The following CRY1 variants were observed in gnomAD, a reference collection of about 807,000 sequenced individuals.
CRY1 encodes the protein cryptochrome circadian regulator 1.
Under a neutral mutation model 76.0 loss-of-function variants are expected in CRY1, and 45 were observed. The ratio of observed to expected loss-of-function variants is 0.59; its 90% confidence interval spans 0.47 to 0.76. The LOEUF (loss-of-function observed/expected upper bound fraction) is 0.76, where lower values mean the gene tolerates loss of function less well. Among genes scored for constraint, CRY1 ranks in the 30% least tolerant of loss-of-function variants. The pLI is 0.00. For missense variants in CRY1, 587 were observed against 716.4 expected, an observed-to-expected ratio of 0.82 and a Z score of 2.06; for synonymous variants, 248 against 244.0, an observed-to-expected ratio of 1.02 and a Z score of -0.15.
intron 1 of CRY1, among the ~76,000 whole-genome samples, chr12:107,078,235 T>C (rs531197924): frequency 1.3e-5 from 2 of 152,162 alleles, no homozygotes; most frequent in Admixed American, 6.6e-5. Flanking sequence ...AATACAAAGA[T>C]GCATATCCCT....
chr12:106,994,035 CCA>C (rs1423150954), intron 10 of CRY1, among the ~76,000 whole-genome samples: 3 of 151,360 alleles, frequency 2.0e-5, no homozygotes, highest in South Asian at 4.2e-4. Flanking sequence ...TAAGAATGTT[CCA>C]CAGTCATTAA....
At chr12:107,081,680 T>TGA (rs1953327229) in intron 1 of CRY1, among the ~76,000 whole-genome samples, 1 of 152,118 alleles carries the variant, frequency 6.6e-6, no homozygotes, top group Non-Finnish European at 1.5e-5. Flanking sequence ...ATCTGTTAAG[T>TGA]GAGAGAGAGA....
At chr12:107,028,231 AAAAAT>A (rs1477241192) in intron 1 of CRY1, among the ~76,000 whole-genome samples, 1 of 152,154 alleles carries the variant, frequency 6.6e-6, no homozygotes, top group Non-Finnish European at 1.5e-5. Flanking sequence ...TAGAGATTTA[AAAAAT>A]ATAACAATTT....
chr12:107,034,508 C>T lies in CRY1; in HGVS notation c.159-12316G>A, dbSNP rs116139570. Among the ~76,000 whole-genome samples, 1,044 of 152,234 alleles carry T rather than the reference C, an allele frequency of 6.9e-3. 18 individuals carry two copies. Among genetic ancestry groups the T allele is most frequent in the African/African-American group, 0.024 (1,001 of 41,542 alleles). On this transcript the variant is annotated intron_variant, in intron 1 of 12. Coordinates refer to ENST00000008527, the MANE Select transcript of CRY1 (RefSeq NM_004075.5). ...TTCATTTTACTCTGTGGACTTGCTC[C>T]AAATTCTTTCTTAAGTGAGTTCCAA...
chr12:107,007,535 T>C (rs1394063956), intron 2 of CRY1, among the ~76,000 whole-genome samples: 1 of 151,938 alleles, frequency 6.6e-6, no homozygotes, highest in Non-Finnish European at 1.5e-5. Context: ...TTCTTCTTTT[T>C]TTTTTTTTTT....
intron 1 of CRY1, among the ~76,000 whole-genome samples, chr12:107,085,507 T>C (rs566517367): frequency 1.5e-3 from 233 of 152,284 alleles, no homozygotes; most frequent in African/African-American, 5.1e-3. Flanking sequence ...GTTCATGTCC[T>C]TTGCAGGGAC....
At position 106,997,502 on chromosome 12, in the gene CRY1, C is replaced by T. The variant is rs771583879; in HGVS notation, c.1478G>A (p.Arg493Gln). 34 of 1,613,900 alleles carry T rather than the reference C, an allele frequency of 2.1e-5. No homozygotes were observed. Among genetic ancestry groups the T allele is most frequent in the East Asian group, 4.5e-5 (2 of 44,860 alleles). ...RMKQIYQQLS[R>Q]YRGLGLLASV... Reference sequence around the variant, plus strand: ...TCTTAACATACCTAGTCCTCTATATCGTGAAAGCTGCTGATAGATCTGTTT... The same window carrying T: ...TCTTAACATACCTAGTCCTCTATATTGTGAAAGCTGCTGATAGATCTGTTT... The change falls in exon 9 of 13, where the codon CGA (arginine) becomes CAA (glutamine). Residue 493 changes from arginine (R) to glutamine (Q), a missense_variant. Transcript: ENST00000008527.
chr12:107,090,159 G>A (rs968339837), intron 1 of CRY1, among the ~76,000 whole-genome samples: 3 of 150,762 alleles, frequency 2.0e-5, no homozygotes, highest in Admixed American at 6.6e-5. Flanking sequence ...GCACGATCTC[G>A]CCTCACTGCA....
At chr12:107,022,223 T>A in intron 1 of CRY1, 31 bp from the exon 2 acceptor site, 1 of 1,276,886 alleles carries the variant, frequency 7.8e-7, no homozygotes, top group Non-Finnish European at 1.1e-6. Flanking sequence ...TTTAAATTAT[T>A]AAAAAATACA....
chr12:107,018,459 T>A (rs1268888299), intron 2 of CRY1, among the ~76,000 whole-genome samples: 1 of 152,150 alleles, frequency 6.6e-6, no homozygotes, highest in Non-Finnish European at 1.5e-5. Context: ...TGGTGGTGCA[T>A]GCCTATAATC....
intron 2 of CRY1, among the ~76,000 whole-genome samples, chr12:107,009,218 A>T (rs1952409314): frequency 6.6e-6 from 1 of 152,102 alleles, no homozygotes; most frequent in African/African-American, 2.4e-5. Flanking sequence ...TTCATGAGAT[A>T]AACCCCACTT....
rs150822026 is a variant in CRY1 at position 107,026,158 on chromosome 12, A to AAT, written c.159-3968_159-3967dup. Among the ~76,000 whole-genome samples, 38 of 80,152 alleles carry AAT rather than the reference A, an allele frequency of 4.7e-4. 3 individuals are homozygous for AAT. Among genetic ancestry groups the AAT allele is most frequent in the Middle Eastern group, 5.7e-3 (1 of 176 alleles). The allele number at this position is 80,152 out of a possible 152,430, so 52.6% of individuals were successfully genotyped here. On this transcript the variant is annotated intron_variant, in intron 1 of 12. Transcript: ENST00000008527. ...ACATATATATTACATATATATATAA[A>AAT]ATATATATATATATATTACATATAT... is the stretch of plus-strand genomic sequence containing the variant.
chr12:107,024,210 A>G (rs1952584935), intron 1 of CRY1, among the ~76,000 whole-genome samples: 1 of 152,222 alleles, frequency 6.6e-6, no homozygotes, highest in African/African-American at 2.4e-5. Flanking sequence ...AACTGAGAAC[A>G]GCAAGAGTTC....
chr12:107,030,205 A>T (rs10746075), intron 1 of CRY1, among the ~76,000 whole-genome samples: 83,394 of 152,058 alleles, frequency 0.55, 23,223 homozygotes, highest in East Asian at 0.73. Context: ...AGAAGGAACA[A>T]GAATGGGAAA....
chr12:107,057,509 A>T (rs1952997996), intron 1 of CRY1, among the ~76,000 whole-genome samples: 1 of 152,222 alleles, frequency 6.6e-6, no homozygotes, highest in African/African-American at 2.4e-5. Flanking sequence ...CCCACATTTC[A>T]AAGATGAGAG....
chr12:107,027,697 A>G (rs919782062), intron 1 of CRY1, among the ~76,000 whole-genome samples: 16 of 152,196 alleles, frequency 1.1e-4, no homozygotes, highest in African/African-American at 3.9e-4. Context: ...TACCACTTCC[A>G]AAAGATGACT....
intron 1 of CRY1, among the ~76,000 whole-genome samples, chr12:107,041,093 C>G (rs537625654): frequency 6.6e-6 from 1 of 151,760 alleles, no homozygotes; most frequent in African/African-American, 2.4e-5. Context: ...TCTACACTTA[C>G]AGAGAGAAAT....
intron 1 of CRY1, among the ~76,000 whole-genome samples, chr12:107,023,251 G>A (rs1218030540): frequency 3.3e-5 from 5 of 152,214 alleles, no homozygotes; most frequent in Admixed American, 2.6e-4. Flanking sequence ...TAAGAAGCAG[G>A]GAAATGCAAA....
chr12:107,015,069 G>A (rs923474338), intron 2 of CRY1, among the ~76,000 whole-genome samples: 1 of 151,950 alleles, frequency 6.6e-6, no homozygotes, highest in Non-Finnish European at 1.5e-5. Flanking sequence ...GTAGAGACGG[G>A]GTTTCACCAT....
Sources: allele counts gnomAD v4.1 joint callset (sites outside exome capture counted in the v4.1 genomes callset), GRCh38; gene constraint gnomAD v4.1.1; transcripts MANE v1.5; gene names NCBI Gene and HGNC (gene_info 2026-07-23, HGNC 2026-07-21).